WDR12: variants seen among roughly 807,000 people sequenced by gnomAD.
WDR12 encodes WD repeat domain 12.
In WDR12, 42 loss-of-function variants were observed where a neutral mutation model predicts 64.3. The ratio of observed to expected loss-of-function variants is 0.65; its 90% CI spans 0.51 to 0.84. The LOEUF (loss-of-function observed/expected upper bound fraction) is 0.84. Among genes scored for constraint, WDR12 ranks in the 40% least tolerant of loss-of-function variants. WDR12 has a pLI of 0.00. For synonymous variants in WDR12, 158 were observed against 173.3 expected (o/e 0.91, Z 0.70); for missense variants, 469 against 494.6 (o/e 0.95, Z 0.49).
intron 10 of WDR12, 50 bp downstream of exon 10, chr2:202,884,148 A>G (rs1242918054): frequency 5.1e-6 from 8 of 1,554,898 alleles, no homozygotes; most frequent in African/African-American, 2.7e-5. Flanking sequence ...GAGAGATGAG[A>G]AATAGATGTT....
chr2:202,900,463 A>C (rs1688329619), intron 3 of WDR12, among the ~76,000 whole-genome samples: 1 of 152,214 alleles, frequency 6.6e-6, no homozygotes, highest in Non-Finnish European at 1.5e-5. Context: ...ATAATACTGC[A>C]AAGGCACTTA....
At chr2:202,888,353 CTG>C (rs1199895376) in intron 8 of WDR12, among the ~76,000 whole-genome samples, 1 of 152,126 alleles carries the variant, frequency 6.6e-6, no homozygotes, top group African/African-American at 2.4e-5. Context: ...GAATGATGGA[CTG>C]TTCTATATCT....
At chr2:202,906,785 T>C (rs748701068) in intron 2 of WDR12, among the ~76,000 whole-genome samples, 1 of 152,168 alleles carries the variant, frequency 6.6e-6, no homozygotes, top group Non-Finnish European at 1.5e-5. Flanking sequence ...AATCACTTAA[T>C]GTTTCATGTT....
chr2:202,890,106 T>C (rs1198329390), intron 8 of WDR12, among the ~76,000 whole-genome samples: 1 of 151,876 alleles, frequency 6.6e-6, no homozygotes, highest in Non-Finnish European at 1.5e-5. Flanking sequence ...CATGCACCTA[T>C]AGTCCTAGCT....
chr2:202,897,444 CA>C, intron 4 of WDR12, 29 bp from the exon 5 acceptor site: 1 of 1,369,810 alleles, frequency 7.3e-7, no homozygotes, highest in South Asian at 1.4e-5. Context: ...TTATGAAACA[CA>C]AAAAGCAGTT....
chr2:202,908,696 G>A (rs1268644336), intron 1 of WDR12, among the ~76,000 whole-genome samples: 1 of 152,194 alleles, frequency 6.6e-6, no homozygotes, highest in African/African-American at 2.4e-5. Flanking sequence ...AACTATCACA[G>A]CAGTGCAAAT....
chr2:202,911,470 G>A lies in WDR12; in HGVS notation c.7C>T (p.Gln3Ter). The A allele has an allele frequency of 6.2e-7, 1 of 1,614,092 alleles. No individual in the cohort carries two copies. The highest frequency in any genetic ancestry group is 8.5e-7 in the Non-Finnish European group (1 of 1,180,000). Residue 3 changes from glutamine (Q) to a stop codon, truncating the protein, a stop_gained, in exon 1 of 13, where the codon CAG becomes TAG. Coordinates refer to ENST00000261015, the MANE Select transcript of WDR12 (RefSeq NM_018256.4). LOFTEE classifies it high-confidence loss of function. ...TCAGTGTAGAAGCGTGTTTGGAGCT[G>A]AGCCATGGCGAGGAGTACACACGAC... The part of the protein sequence containing the change: MA[Q>*]LQTRFYTDNK...
rs560404990 is a variant in WDR12 at position 202,874,663 on chromosome 2, T to C, written c.*6197A>G. 1 of 152,338 alleles carries C rather than the reference T, an allele frequency of 6.6e-6. No homozygotes were observed. The highest frequency in any genetic ancestry group is 2.1e-4 in the South Asian group (1 of 4,826). The allele number at this position is 152,338 out of a possible 1,614,324, so 9.4% of individuals were successfully genotyped here. A position where few individuals can be genotyped will look rare whatever the true frequency, so the allele number is the denominator to read the frequency against. On this transcript the variant is annotated 3_prime_UTR_variant, in exon 13 of 13. Transcript: ENST00000261015. ...AAGGCATTCCAGTTTCTTTGTAATC[T>C]GTTGGATTTTACCGAAGACGTCAGG...
rs1223983836 is a variant in WDR12, at chr2:202,883,499, C to T, written c.1121+110G>A. ...GTATTTGTCACATGAGGTTGCAAAA[C>T]CATGAGGCTTTTTTTACTCTTCTGG... On this transcript the variant is annotated intron_variant, in intron 11 of 12. Transcript: ENST00000261015. 6.7e-6 allele frequency: 9 copies of T among 1,336,218 alleles called. No homozygotes were observed. In the East Asian group the frequency reaches 1.8e-4, roughly 26 times the overall value. The allele number at this position is 1,336,218 out of a possible 1,614,324, so 82.8% of individuals were successfully genotyped here.
rs534078821 is a variant in WDR12 at position 202,875,078 on chromosome 2, C to T, written c.*5782G>A. On this transcript the variant is annotated 3_prime_UTR_variant, in exon 13 of 13. Coordinates refer to ENST00000261015, the MANE Select transcript of WDR12 (RefSeq NM_018256.4). ...TAGTCTTTATTACTCAGATGTATGTCGCACAGCTCCATTAATTGGTTACAT... is the reference window on the plus strand; with the variant it reads ...TAGTCTTTATTACTCAGATGTATGTTGCACAGCTCCATTAATTGGTTACAT... 6 of 152,254 alleles carry T rather than the reference C, an allele frequency of 3.9e-5. No homozygotes were observed. The highest frequency in any genetic ancestry group is 4.1e-4 in the South Asian group (2 of 4,826). 9.4% of individuals were successfully genotyped at this position (152,254 alleles called of 1,614,324 possible).
In WDR12 at chr2:202,905,630, C is replaced by T. The variant is rs547278971; in HGVS notation, c.136+2235G>A. ...CAGCAATAGCACTGCTAGGTATATA[C>T]TCAAAAGTAGAGAAATCAGGAAATC... On this transcript the variant is annotated intron_variant, in intron 2 of 12. Coordinates refer to ENST00000261015, the MANE Select transcript of WDR12 (RefSeq NM_018256.4). 1.8e-3 allele frequency among the ~76,000 whole-genome samples: 272 copies of T among 152,198 alleles called. 2 individuals are homozygous for T. The highest frequency in any genetic ancestry group is 6.8e-3 in the Middle Eastern group (2 of 294).
intron 4 of WDR12, among the ~76,000 whole-genome samples, chr2:202,899,215 T>C (rs1431603465): frequency 6.6e-6 from 1 of 151,766 alleles, no homozygotes; most frequent in Non-Finnish European, 1.5e-5. Context: ...GCTAATTTTT[T>C]GTACTTTTTT....
intron 8 of WDR12, among the ~76,000 whole-genome samples, chr2:202,887,615 G>A (rs151172440): frequency 0.039 from 5,907 of 152,088 alleles, 372 homozygotes; most frequent in African/African-American, 0.13. Flanking sequence ...TAGGCCGGGC[G>A]CGGTGGCTCA....
chr2:202,907,386 CCTTT>C (rs1688476977), intron 2 of WDR12, among the ~76,000 whole-genome samples: 1 of 151,966 alleles, frequency 6.6e-6, no homozygotes, highest in African/African-American at 2.4e-5. Flanking sequence ...TTTGTTATAT[CCTTT>C]TTTTATGAAT....
chr2:202,889,466 G>A (rs976735674), intron 8 of WDR12, among the ~76,000 whole-genome samples: 4 of 150,092 alleles, frequency 2.7e-5, no homozygotes, highest in Non-Finnish European at 4.4e-5. Flanking sequence ...GAGACAGCTC[G>A]GGCAACAAAG....
chr2:202,892,654 C>T lies in WDR12; in HGVS notation c.704G>A (p.Arg235Lys), dbSNP rs746298860. The T allele has an allele frequency of 4.3e-6, 7 of 1,613,224 alleles. No individual in the cohort carries two copies. Among genetic ancestry groups the T allele is most frequent in the Non-Finnish European group, 5.9e-6 (7 of 1,179,548 alleles). ...DEMEESTNRP[R>K]KKQKTEQLGL... ...CAACTGTTCTGTCTTCTGTTTCTTT[C>T]TTGGTCGATTTGTGGACTCCTCCAT... Residue 235 changes from arginine to lysine, a missense_variant, in exon 8 of 13, where the codon AGA becomes AAA. Transcript: ENST00000261015.
rs1688665775 is a variant in WDR12 at position 202,911,672 on chromosome 2, A to G, written c.-196T>C. ...GCAGAAAGCACGAGGTTGCCCTTCT[A>G]CAGACGCCCAGACCACAAACATCGA... is the stretch of plus-strand genomic sequence containing the variant. On this transcript the variant is annotated 5_prime_UTR_variant, in exon 1 of 13. Transcript: ENST00000261015. 1.7e-6 allele frequency: 1 copy of G among 600,786 alleles called. No homozygotes were observed. The highest frequency in any genetic ancestry group is 3.0e-6 in the Non-Finnish European group (1 of 333,778). The allele number at this position is 600,786 out of a possible 1,614,324, so 37.2% of individuals were successfully genotyped here. A position where few individuals can be genotyped will look rare whatever the true frequency, so the allele number is the denominator to read the frequency against.
chr2:202,893,136 A>C (rs1688182712), intron 7 of WDR12, among the ~76,000 whole-genome samples: 1 of 152,122 alleles, frequency 6.6e-6, no homozygotes, highest in Non-Finnish European at 1.5e-5. Flanking sequence ...TTTTTCTACC[A>C]AAAATGTTTC....
In WDR12 at chr2:202,880,938, C is replaced by T. The variant is rs868036480; in HGVS notation, c.1195-1G>A. ...TGTCTGCTCCTCCACTCAGAAGTAG[C>T]TGTGTAAAAGGAGAGAAAAAGACAA... On this transcript the variant is annotated splice_acceptor_variant, in intron 12 of 12. Coordinates refer to ENST00000261015, the MANE Select transcript of WDR12 (RefSeq NM_018256.4). LOFTEE classifies it high-confidence loss of function. 1 of 1,604,690 alleles carries T rather than the reference C, an allele frequency of 6.2e-7. No individual in the cohort carries two copies. The highest frequency in any genetic ancestry group is 1.3e-5 in the African/African-American group (1 of 74,670).
Sources: gnomAD v4.1 joint callset for allele counts (sites outside exome capture counted in the v4.1 genomes callset) on GRCh38, gnomAD v4.1.1 for gene constraint, MANE v1.5 for transcripts, NCBI Gene and HGNC (gene_info 2026-07-23, HGNC 2026-07-21) for gene names.